The following TMPRSS11F variants were observed in gnomAD, a reference collection of about 807,000 sequenced individuals.
TMPRSS11F encodes transmembrane serine protease 11F.
In TMPRSS11F, 47 loss-of-function variants were observed where a neutral mutation model predicts 60.2. That is an observed-to-expected ratio of 0.78 (90% CI 0.62 to 1.00). TMPRSS11F has a LOEUF of 1.00. Ranked by LOEUF, TMPRSS11F falls within the 50% of genes least tolerant of loss-of-function variation. The pLI is 0.00. For synonymous variants in TMPRSS11F, 166 were observed against 167.3 expected (o/e 0.99, Z 0.06); for missense variants, 519 against 522.9 (o/e 0.99, Z 0.07).
chr4:68,070,182 T>C (rs1723426335), intron 5 of TMPRSS11F, among the ~76,000 whole-genome samples, 175 bp from the exon 6 acceptor site: 1 of 152,226 alleles, frequency 6.6e-6, no homozygotes, highest in Non-Finnish European at 1.5e-5. Flanking sequence ...TCTGATTTTA[T>C]TTTTGGTCCA....
At chr4:68,098,847 T>A (rs1724131878) in intron 2 of TMPRSS11F, 40 bp downstream of exon 2, 1 of 1,550,696 alleles carries the variant, frequency 6.4e-7, no homozygotes, top group South Asian at 1.2e-5. Flanking sequence ...TACGAAGTCA[T>A]GGAGTACTTA....
intron 6 of TMPRSS11F, 106 bp from the exon 7 acceptor site, chr4:68,068,925 C>T: frequency 9.0e-7 from 1 of 1,114,726 alleles, no homozygotes; most frequent in Non-Finnish European, 1.3e-6. Flanking sequence ...ACCATGTGAA[C>T]CATTCATAGC....
chr4:68,114,049 C>CA (rs1355047461), intron 1 of TMPRSS11F, among the ~76,000 whole-genome samples: 17 of 151,288 alleles, frequency 1.1e-4, no homozygotes, highest in Non-Finnish European at 1.0e-4. Flanking sequence ...AAAAGAAGTA[C>CA]AAAAAAACTT....
chr4:68,099,548 G>A (rs1040576966), intron 1 of TMPRSS11F, among the ~76,000 whole-genome samples: 20 of 151,948 alleles, frequency 1.3e-4, no homozygotes, highest in African/African-American at 4.8e-4. Context: ...TGACCCCACT[G>A]GTGCATTACC....
At chr4:68,126,597 A>T (rs1173825078) in intron 1 of TMPRSS11F, among the ~76,000 whole-genome samples, 1 of 152,180 alleles carries the variant, frequency 6.6e-6, no homozygotes, top group Non-Finnish European at 1.5e-5. Context: ...CTCTTTTCTC[A>T]GTATCTGTTC....
At chr4:68,085,025 A>C (rs1259286350) in intron 3 of TMPRSS11F, among the ~76,000 whole-genome samples, 1 of 128,528 alleles carries the variant, frequency 7.8e-6, no homozygotes, top group Non-Finnish European at 1.6e-5. Context: ...GAGAATGATG[A>C]TTTCCAATTT....
At chr4:68,119,144 T>C (rs1724578071) in intron 1 of TMPRSS11F, among the ~76,000 whole-genome samples, 1 of 152,104 alleles carries the variant, frequency 6.6e-6, no homozygotes, top group South Asian at 2.1e-4. Context: ...ACACACAACA[T>C]GTGTTAAGGC....
Position 68,099,036 on chromosome 4 carries a change from G to A in TMPRSS11F, c.14C>T (p.Pro5Leu), listed in dbSNP as rs1472296330. Residue 5 changes from proline (P) to leucine (L), a missense_variant and splice_region_variant, in exon 2 of 10, where the codon CCT (proline) becomes CTT (leucine). Pro to Leu is a moderately conservative substitution (Grantham distance 98, BLOSUM62 -3). Coordinates refer to ENST00000356291, the MANE Select transcript of TMPRSS11F (RefSeq NM_207407.2). MMYAPVEFSEAEFSR... is the reference protein window; with the variant it reads MMYALVEFSEAEFSR... Reference sequence around the variant, plus strand: ...GAATTCAGCTTCTGAAAATTCAACAGGTCTGTGATAACAGAAAGAAAATAG... The same window carrying A: ...GAATTCAGCTTCTGAAAATTCAACAAGTCTGTGATAACAGAAAGAAAATAG... 7.5e-6 allele frequency: 12 copies of A among 1,608,658 alleles called. No homozygotes were observed. The South Asian group carries it at 1.2e-4, about 16-fold the overall frequency.
chr4:68,100,895 G>A (rs886522824), intron 1 of TMPRSS11F, among the ~76,000 whole-genome samples: 3 of 152,082 alleles, frequency 2.0e-5, no homozygotes, highest in East Asian at 1.9e-4. Context: ...ACCCATAATC[G>A]AAGTCTCTAT....
At chr4:68,100,469 A>C (rs1191190519) in intron 1 of TMPRSS11F, among the ~76,000 whole-genome samples, 2 of 152,102 alleles carry the variant, frequency 1.3e-5, no homozygotes, top group African/African-American at 4.8e-5. Context: ...ACCTGAACTG[A>C]GGCTATGGAA....
intron 1 of TMPRSS11F, among the ~76,000 whole-genome samples, chr4:68,118,979 C>A (rs1724575514): frequency 1.3e-5 from 2 of 152,068 alleles, no homozygotes; most frequent in Admixed American, 1.3e-4. Context: ...GAAAGCTAGG[C>A]CTCTTGTACC....
chr4:68,096,679 C>G (rs1394397509), intron 2 of TMPRSS11F, among the ~76,000 whole-genome samples: 5 of 152,092 alleles, frequency 3.3e-5, no homozygotes, highest in Admixed American at 2.0e-4. Flanking sequence ...GATAATTGGT[C>G]AGAATTATAA....
At chr4:68,060,781 C>T (rs1182631687) in intron 8 of TMPRSS11F, among the ~76,000 whole-genome samples, 1 of 151,636 alleles carries the variant, frequency 6.6e-6, no homozygotes, top group Non-Finnish European at 1.5e-5. Flanking sequence ...TGTATGAATG[C>T]ATAGAGCTGC....
At chr4:68,082,809 G>A (rs949528086) in intron 3 of TMPRSS11F, among the ~76,000 whole-genome samples, 3 of 152,362 alleles carry the variant, frequency 2.0e-5, no homozygotes, top group Non-Finnish European at 4.4e-5. Context: ...TGATGGGCTG[G>A]TACAGAAGCT....
At chr4:68,114,485 T>A (rs185175481) in intron 1 of TMPRSS11F, among the ~76,000 whole-genome samples, 2 of 152,208 alleles carry the variant, frequency 1.3e-5, no homozygotes, top group Admixed American at 1.3e-4. Flanking sequence ...TAAATCTTTT[T>A]GAAATACAAA....
intron 2 of TMPRSS11F, among the ~76,000 whole-genome samples, chr4:68,093,295 G>T (rs1723983245): frequency 6.6e-6 from 1 of 152,156 alleles, no homozygotes; most frequent in Admixed American, 6.6e-5. Flanking sequence ...AAGTAGAAAA[G>T]AAGTTTGCTG....
Position 68,064,670 on chromosome 4 carries a change from G to A in TMPRSS11F, c.1015+15C>T. On this transcript the variant is annotated intron_variant, in intron 8 of 9. Transcript: ENST00000356291. ...GACATTCTTGTGCTAAGAAAATTAGGTTGAAACTGCTCACCATCATCTACA... is the reference window on the plus strand; with the variant it reads ...GACATTCTTGTGCTAAGAAAATTAGATTGAAACTGCTCACCATCATCTACA... The A allele has an allele frequency of 6.2e-7, 1 of 1,610,574 alleles. No individual in the cohort carries two copies. The highest frequency in any genetic ancestry group is 8.5e-7 in the Non-Finnish European group (1 of 1,178,118).
At chr4:68,124,870 A>T (rs1724686465) in intron 1 of TMPRSS11F, among the ~76,000 whole-genome samples, 1 of 150,358 alleles carries the variant, frequency 6.7e-6, no homozygotes, top group African/African-American at 2.4e-5. Flanking sequence ...AATGCTTGCC[A>T]ACTTGCTTTT....
intron 4 of TMPRSS11F, among the ~76,000 whole-genome samples, chr4:68,073,398 A>C (rs933527395): frequency 6.6e-6 from 1 of 152,170 alleles, no homozygotes; most frequent in Admixed American, 6.5e-5. Flanking sequence ...GAGATAAAAG[A>C]AAAGAAGGAA....
Sources: allele counts gnomAD v4.1 joint callset (sites outside exome capture counted in the v4.1 genomes callset), GRCh38; gene constraint gnomAD v4.1.1; transcripts MANE v1.5; gene names NCBI Gene and HGNC (gene_info 2026-07-23, HGNC 2026-07-21).